Variants in GALNT17 observed in about 807,000 individuals in gnomAD.
The protein encoded by GALNT17 is polypeptide N-acetylgalactosaminyltransferase 17, also known as UDP-GalNAc:polypeptide N-acetylgalactosaminyltransferase-like 3.
In GALNT17, 29 loss-of-function variants were observed where a neutral mutation model predicts 63.7. That is an observed-to-expected ratio of 0.46 (90% CI 0.34 to 0.62). The LOEUF is 0.62. Ranked by LOEUF, GALNT17 falls within the 20% of genes least tolerant of loss-of-function variation. The probability of loss-of-function intolerance (pLI) is 0.01; values close to 1 mark genes in which losing one functional copy is unlikely to be tolerated. For missense variants in GALNT17, 603 were observed against 799.6 expected (o/e 0.75, Z 2.97); for synonymous variants, 305 against 318.3 (o/e 0.96, Z 0.45).
At chr7:71,305,102 T>C (rs1791265352) in intron 1 of GALNT17, among the ~76,000 whole-genome samples, 1 of 152,246 alleles carries the variant, frequency 6.6e-6, no homozygotes, top group Non-Finnish European at 1.5e-5. Flanking sequence ...TAGAGGTAGA[T>C]GTAGCTATAG....
At chr7:71,701,385 G>T (rs962621879) in intron 9 of GALNT17, among the ~76,000 whole-genome samples, 1 of 151,976 alleles carries the variant, frequency 6.6e-6, no homozygotes, top group Non-Finnish European at 1.5e-5. Context: ...TACTCTGGAG[G>T]CTAAGGCAGG....
At chr7:71,393,489 C>G (rs2960870) in intron 3 of GALNT17, among the ~76,000 whole-genome samples, 8,093 of 152,120 alleles carry the variant, frequency 0.053, 445 homozygotes, top group African/African-American at 0.14. Flanking sequence ...TAGTTAAGAT[C>G]AATAGTATAA....
At chr7:71,317,498 G>A (rs1054263330) in intron 1 of GALNT17, among the ~76,000 whole-genome samples, 6 of 152,152 alleles carry the variant, frequency 3.9e-5, no homozygotes, top group East Asian at 1.9e-4. Flanking sequence ...TGGAAGGATC[G>A]TTTGAGGCTG....
At chr7:71,618,881 T>G in intron 6 of GALNT17, among the ~76,000 whole-genome samples, 1 of 152,214 alleles carries the variant, frequency 6.6e-6, no homozygotes, top group East Asian at 1.9e-4. Flanking sequence ...AAACATTCTT[T>G]GCCAAGGCTG....
chr7:71,605,568 G>A (rs1047928687), intron 6 of GALNT17, among the ~76,000 whole-genome samples: 2 of 148,168 alleles, frequency 1.3e-5, no homozygotes, highest in African/African-American at 5.0e-5. Flanking sequence ...CCTGGCGACA[G>A]AGTGAGACTC....
At chr7:71,267,867 C>A (rs1315353062) in intron 1 of GALNT17, among the ~76,000 whole-genome samples, 2 of 151,760 alleles carry the variant, frequency 1.3e-5, no homozygotes, top group African/African-American at 2.4e-5. Flanking sequence ...CCCCCACCCC[C>A]ACTTCCCAGC....
intron 6 of GALNT17, among the ~76,000 whole-genome samples, chr7:71,628,052 G>A (rs2116983527): frequency 7.6e-6 from 1 of 131,582 alleles, no homozygotes; most frequent in African/African-American, 2.6e-5. Flanking sequence ...CATAGTGGGA[G>A]CAGGTAGGGG....
chr7:71,211,750 T>A (rs531362265), intron 1 of GALNT17, among the ~76,000 whole-genome samples: 1 of 152,234 alleles, frequency 6.6e-6, no homozygotes, highest in East Asian at 1.9e-4. Context: ...GTAAAGGTGA[T>A]TCTTGTTATG....
At chr7:71,323,621 A>C (rs1391560565) in intron 1 of GALNT17, among the ~76,000 whole-genome samples, 2 of 152,338 alleles carry the variant, frequency 1.3e-5, no homozygotes, top group Middle Eastern at 6.8e-3. Context: ...CATCGTACTG[A>C]TATATGAACT....
At chr7:71,178,875 A>G (rs1171622993) in intron 1 of GALNT17, among the ~76,000 whole-genome samples, 2 of 152,168 alleles carry the variant, frequency 1.3e-5, no homozygotes, top group East Asian at 1.9e-4. Flanking sequence ...TTTTTTTTAA[A>G]TGAATTTTTT....
At chr7:71,385,157 G>A (rs1792917582) in intron 2 of GALNT17, among the ~76,000 whole-genome samples, 1 of 152,096 alleles carries the variant, frequency 6.6e-6, no homozygotes, top group Non-Finnish European at 1.5e-5. Context: ...AGGAAGGCCT[G>A]CAGATCAGCC....
At chr7:71,377,863 G>T (rs1413475386) in intron 2 of GALNT17, among the ~76,000 whole-genome samples, 1 of 152,160 alleles carries the variant, frequency 6.6e-6, no homozygotes, top group Non-Finnish European at 1.5e-5. Context: ...TGAAGAAGGT[G>T]CTTGCTTCCC....
chr7:71,468,707 G>C (rs565785336), intron 5 of GALNT17, among the ~76,000 whole-genome samples: 2 of 152,166 alleles, frequency 1.3e-5, no homozygotes, highest in South Asian at 4.2e-4. Flanking sequence ...GTGAGCCACT[G>C]TGCCCGGCCC....
intron 2 of GALNT17, among the ~76,000 whole-genome samples, chr7:71,337,223 AT>A (rs1791924005): frequency 6.6e-6 from 1 of 151,778 alleles, no homozygotes; most frequent in Admixed American, 6.6e-5. Flanking sequence ...AATCGTGAGT[AT>A]TTTCTGATGT....
chr7:71,566,594 C>G (rs1164992557), intron 5 of GALNT17, among the ~76,000 whole-genome samples: 1 of 152,004 alleles, frequency 6.6e-6, no homozygotes, highest in Admixed American at 6.6e-5. Flanking sequence ...ATAACTCGGG[C>G]AGACTCTGAT....
intron 9 of GALNT17, among the ~76,000 whole-genome samples, chr7:71,705,679 G>C (rs1791713583): frequency 6.6e-6 from 1 of 152,154 alleles, no homozygotes; most frequent in Non-Finnish European, 1.5e-5. Flanking sequence ...ACCACACCTT[G>C]AAGAGACACA....
intron 9 of GALNT17, 45 bp from the exon 10 acceptor site, chr7:71,710,716 C>T: frequency 1.2e-6 from 2 of 1,605,564 alleles, no homozygotes; most frequent in Non-Finnish European, 1.7e-6. Context: ...ATGTCTCACT[C>T]CTGCCTCCCA....
chr7:71,370,983 G>A (rs1426867247), intron 2 of GALNT17, among the ~76,000 whole-genome samples: 2 of 152,148 alleles, frequency 1.3e-5, no homozygotes, highest in Non-Finnish European at 2.9e-5. Context: ...CCCTTTAGTG[G>A]TATCTGTATT....
chr7:71,711,739 CCTTT>C (rs1212076893), intron 10 of GALNT17, among the ~76,000 whole-genome samples: 61 of 150,010 alleles, frequency 4.1e-4, no homozygotes, highest in African/African-American at 1.4e-3. Context: ...ACCCCTCCTC[CCTTT>C]CTTTGTCTTC....
Sources: allele counts gnomAD v4.1 joint callset (sites outside exome capture counted in the v4.1 genomes callset), GRCh38; gene constraint gnomAD v4.1.1; transcripts MANE v1.5; gene names NCBI Gene and HGNC (gene_info 2026-07-23, HGNC 2026-07-21).